The following CNNM2 variants were observed in gnomAD, a reference collection of about 807,000 sequenced individuals.
The protein encoded by CNNM2 is cyclin and CBS domain divalent metal cation transport mediator 2.
CNNM2 carries 12 observed loss-of-function variants against 66.9 expected under a neutral mutation model. The observed-to-expected ratio is 0.18, with a 90% confidence interval of 0.11 to 0.29. The LOEUF (loss-of-function observed/expected upper bound fraction) is 0.29, where lower values mean the gene tolerates loss of function less well. Among genes scored for constraint, CNNM2 ranks in the 10% least tolerant of loss-of-function variants. The pLI is 1.00. For synonymous variants in CNNM2, 557 were observed against 501.8 expected (o/e 1.11, Z -1.47); for missense variants, 705 against 1,167.7 (o/e 0.60, Z 5.77).
At chr10:103,068,310 T>G in intron 4 of CNNM2, 1 of 243,122 alleles carries the variant, frequency 4.1e-6, no homozygotes, top group East Asian at 9.2e-5. Context: ...AGCTCAAGAG[T>G]TCAAAACCAG....
intron 1 of CNNM2, among the ~76,000 whole-genome samples, chr10:102,977,379 T>G (rs1396914375): frequency 6.6e-6 from 1 of 152,228 alleles, no homozygotes; most frequent in Non-Finnish European, 1.5e-5. Flanking sequence ...TCAAAAAGTT[T>G]TGGATTTTGG....
intron 1 of CNNM2, among the ~76,000 whole-genome samples, chr10:103,011,136 G>C (rs2064334320): frequency 6.6e-6 from 1 of 152,196 alleles, no homozygotes; most frequent in Non-Finnish European, 1.5e-5. Flanking sequence ...AAAGGTGTGT[G>C]TCAGTGAGTT....
chr10:103,071,777 C>G lies in CNNM2; in HGVS notation c.2171C>G (p.Pro724Arg). 1 of 1,613,870 alleles carries G rather than the reference C, an allele frequency of 6.2e-7. No individual in the cohort carries two copies. The change falls in exon 6 of 8, where the codon CCT becomes CGT. Residue 724 changes from proline to arginine, a missense_variant. Physicochemically the swap from Pro to Arg is moderately radical, Grantham distance 103 (BLOSUM62 -2). Transcript: ENST00000369878. ...CCTGTTTTTCTCCATTTTTCAGTTCCTTTGTCCCTGTCTCGTACCTTTGTT... is the reference window on the plus strand; with the variant it reads ...CCTGTTTTTCTCCATTTTTCAGTTCGTTTGTCCCTGTCTCGTACCTTTGTT... ...GVMALTASPV[P>R]LSLSRTFVVS...
rs931321437 is a variant in CNNM2, at chr10:103,087,461, C to G, written c.*10281C>G. ...GCTTTTCACTTTCCGATCTTTGGAC[C>G]CAGAGAATCATTTGCCATGGAATCA... On this transcript the variant is annotated 3_prime_UTR_variant, in exon 8 of 8. Transcript: ENST00000369878. The G allele has an allele frequency of 1.3e-5, 2 of 151,936 alleles. No individual in the cohort carries two copies. Among genetic ancestry groups the G allele is most frequent in the Admixed American group, 6.6e-5 (1 of 15,238 alleles). The allele number at this position is 151,936 out of a possible 1,614,324, so 9.4% of individuals were successfully genotyped here.
At chr10:102,984,856 A>T (rs2063772513) in intron 1 of CNNM2, among the ~76,000 whole-genome samples, 1 of 152,110 alleles carries the variant, frequency 6.6e-6, no homozygotes, top group African/African-American at 2.4e-5. Context: ...CATGTTGGCC[A>T]GGCTGGTCTC....
chr10:102,955,069 A>G (rs911258951), intron 1 of CNNM2, among the ~76,000 whole-genome samples: 2 of 152,220 alleles, frequency 1.3e-5, no homozygotes, highest in African/African-American at 4.8e-5. Flanking sequence ...CGTGTTGCCA[A>G]GACAGTCCTA....
intron 1 of CNNM2, among the ~76,000 whole-genome samples, chr10:102,932,764 A>G (rs1389975207): frequency 6.6e-6 from 1 of 152,048 alleles, no homozygotes; most frequent in Non-Finnish European, 1.5e-5. Flanking sequence ...CTAAAAATAC[A>G]AAAATTAGCC....
At chr10:102,939,923 G>A (rs1846365826) in intron 1 of CNNM2, among the ~76,000 whole-genome samples, 2 of 151,842 alleles carry the variant, frequency 1.3e-5, no homozygotes, top group South Asian at 2.1e-4. Context: ...ATCTGAGATC[G>A]CGCCACTGCA....
At chr10:102,993,604 G>GT (rs2063934795) in intron 1 of CNNM2, among the ~76,000 whole-genome samples, 1 of 152,120 alleles carries the variant, frequency 6.6e-6, no homozygotes, top group Admixed American at 6.6e-5. Context: ...TTGTGAGTAG[G>GT]TTTTTTGTTG....
chr10:102,952,874 G>A (rs1846892785), intron 1 of CNNM2, among the ~76,000 whole-genome samples: 2 of 152,176 alleles, frequency 1.3e-5, no homozygotes, highest in Admixed American at 6.5e-5. Context: ...ATGGTTCTGG[G>A]CTGGAAACAT....
In CNNM2 at chr10:103,005,470, GAAACCCCGTCTCTGCTAA is replaced by G. The variant is rs549516633; in HGVS notation, c.1622-44233_1622-44216del. ...ACAAGACCAGCCTGGCCAACATGGTGAAACCCCGTCTCTGCTAAAAATACAAAAATTAGCCAAGCATGG... is the reference window on the plus strand; with the variant it reads ...ACAAGACCAGCCTGGCCAACATGGTGAAATACAAAAATTAGCCAAGCATGG... On this transcript the variant is annotated intron_variant, in intron 1 of 7. Coordinates refer to ENST00000369878, the MANE Select transcript of CNNM2 (RefSeq NM_017649.5). 3.6e-3 allele frequency among the ~76,000 whole-genome samples: 542 copies of G among 151,966 alleles called. 4 individuals carry two copies. The highest frequency in any genetic ancestry group is 0.013 in the African/African-American group (529 of 41,498).
chr10:103,076,813 A>G (rs1564873443), intron 7 of CNNM2, among the ~76,000 whole-genome samples, 158 bp from the exon 8 acceptor site: 1 of 152,270 alleles, frequency 6.6e-6, no homozygotes, highest in African/African-American at 2.4e-5. Flanking sequence ...TTGTTCACCA[A>G]AGTCAACTTG....
At chr10:103,029,926 G>C (rs1160836270) in intron 1 of CNNM2, among the ~76,000 whole-genome samples, 1 of 152,020 alleles carries the variant, frequency 6.6e-6, no homozygotes, top group Non-Finnish European at 1.5e-5. Context: ...GGTAATAAGT[G>C]CCCTAATGGA....
At chr10:103,022,154 G>A (rs1038558621) in intron 1 of CNNM2, among the ~76,000 whole-genome samples, 2 of 152,190 alleles carry the variant, frequency 1.3e-5, no homozygotes, top group East Asian at 1.9e-4. Context: ...TCAGCTGGGC[G>A]TGCTGATTTG....
At chr10:102,944,581 C>CGTGTGT (rs148795286) in intron 1 of CNNM2, among the ~76,000 whole-genome samples, 15,412 of 143,354 alleles carry the variant, frequency 0.11, 950 homozygotes, top group East Asian at 0.27. Context: ...TGTATCTTTT[C>CGTGTGT]GTGTGTGTGT....
At chr10:103,053,107 A>T (rs189674034) in intron 2 of CNNM2, among the ~76,000 whole-genome samples, 1 of 152,344 alleles carries the variant, frequency 6.6e-6, no homozygotes, top group Admixed American at 6.5e-5. Flanking sequence ...TACTTGAAAG[A>T]TGGTTTTGCA....
At chr10:103,000,822 G>A (rs984065140) in intron 1 of CNNM2, among the ~76,000 whole-genome samples, 7 of 152,168 alleles carry the variant, frequency 4.6e-5, no homozygotes, top group Non-Finnish European at 1.0e-4. Flanking sequence ...CAAGTGATCT[G>A]CCCTCCTTGG....
At position 103,084,933 on chromosome 10, in the gene CNNM2, T is replaced by C. The variant is rs1375182446; in HGVS notation, c.*7753T>C. Reference sequence around the variant, plus strand: ...TTAAAGCCAAAAAGTTGAATTCTATTAGGTGGATAATAAACTCTTTTGCTT... The same window carrying C: ...TTAAAGCCAAAAAGTTGAATTCTATCAGGTGGATAATAAACTCTTTTGCTT... On this transcript the variant is annotated 3_prime_UTR_variant, in exon 8 of 8. Transcript: ENST00000369878. 6.6e-6 allele frequency: 1 copy of C among 152,182 alleles called. No individual in the cohort carries two copies. Among genetic ancestry groups the C allele is most frequent in the Admixed American group, 6.5e-5 (1 of 15,282 alleles). 9.4% of individuals were successfully genotyped at this position (152,182 alleles called of 1,614,324 possible). A position where few individuals can be genotyped will look rare whatever the true frequency, so the allele number is the denominator to read the frequency against.
intron 1 of CNNM2, among the ~76,000 whole-genome samples, chr10:102,957,301 G>C (rs372604766): frequency 6.6e-6 from 1 of 151,954 alleles, no homozygotes; most frequent in East Asian, 1.9e-4. Flanking sequence ...GCGAGACTCC[G>C]TCTCAAAAAA....
Sources: allele counts gnomAD v4.1 joint callset (sites outside exome capture counted in the v4.1 genomes callset), GRCh38; gene constraint gnomAD v4.1.1; transcripts MANE v1.5; gene names NCBI Gene and HGNC (gene_info 2026-07-23, HGNC 2026-07-21).